ROBO2: variants seen among roughly 807,000 people sequenced by gnomAD.
ROBO2 encodes roundabout guidance receptor 2.
In ROBO2, 53 loss-of-function variants were observed where a neutral mutation model predicts 160.8. The ratio of observed to expected loss-of-function variants is 0.33; its 90% CI spans 0.26 to 0.41. The LOEUF (loss-of-function observed/expected upper bound fraction) is 0.41. Ranked by LOEUF, ROBO2 falls within the 10% of genes least tolerant of loss-of-function variation. The pLI is 1.00. For synonymous variants in ROBO2, 664 were observed against 611.7 expected, an observed-to-expected ratio of 1.09 and a Z score of -1.26; for missense variants, 1,577 against 1,722.4, an observed-to-expected ratio of 0.92 and a Z score of 1.49.
chr3:76,343,054 T>C (rs2074324938), intron 2 of ROBO2, among the ~76,000 whole-genome samples: 1 of 152,096 alleles, frequency 6.6e-6, no homozygotes. Flanking sequence ...CAAGAACACA[T>C]AGGTCTTTCT....
At chr3:77,396,753 A>G (rs1175421582) in intron 2 of ROBO2, among the ~76,000 whole-genome samples, 1 of 152,110 alleles carries the variant, frequency 6.6e-6, no homozygotes, top group Non-Finnish European at 1.5e-5. Flanking sequence ...AGTCAGCAAA[A>G]GTACATTCAG....
chr3:76,816,265 T>C (rs1182507772), intron 2 of ROBO2, among the ~76,000 whole-genome samples: 3 of 151,728 alleles, frequency 2.0e-5, no homozygotes, highest in Non-Finnish European at 2.9e-5. Flanking sequence ...CAGTGACACT[T>C]GAAAGAAGAA....
chr3:77,106,101 G>A (rs114352238), intron 2 of ROBO2, among the ~76,000 whole-genome samples: 8,374 of 152,114 alleles, frequency 0.055, 307 homozygotes, highest in East Asian at 0.098. Context: ...GGAGTGCAGC[G>A]GTGTGATCTC....
At chr3:76,585,241 A>C (rs1334538601) in intron 2 of ROBO2, among the ~76,000 whole-genome samples, 4 of 152,168 alleles carry the variant, frequency 2.6e-5, no homozygotes, top group Non-Finnish European at 5.9e-5. Context: ...TTTTACTATG[A>C]AGCATTTATT....
chr3:77,366,384 A>G (rs996037195), intron 2 of ROBO2, among the ~76,000 whole-genome samples: 2 of 152,038 alleles, frequency 1.3e-5, no homozygotes, highest in African/African-American at 4.8e-5. Context: ...TAGTGCCCTT[A>G]GAAAGGAGGG....
chr3:77,323,631 C>T (rs1307201798), intron 2 of ROBO2, among the ~76,000 whole-genome samples: 6 of 152,028 alleles, frequency 3.9e-5, no homozygotes, highest in Admixed American at 6.6e-5. Flanking sequence ...GTTTGCAATA[C>T]TGATAACAAA....
intron 2 of ROBO2, among the ~76,000 whole-genome samples, chr3:77,461,986 A>C (rs924673273): frequency 6.6e-6 from 1 of 152,190 alleles, no homozygotes; most frequent in Non-Finnish European, 1.5e-5. Context: ...TCGGCCTCTC[A>C]AAGTGCTGGG....
chr3:76,071,816 A>G (rs1378812134), intron 2 of ROBO2, among the ~76,000 whole-genome samples: 2 of 152,048 alleles, frequency 1.3e-5, no homozygotes, highest in Admixed American at 1.3e-4. Flanking sequence ...TATTAATTAA[A>G]AGCTGATTTT....
At chr3:76,401,026 T>A (rs1005830035) in intron 2 of ROBO2, among the ~76,000 whole-genome samples, 1 of 151,542 alleles carries the variant, frequency 6.6e-6, no homozygotes, top group African/African-American at 2.4e-5. Context: ...TGCTTCACAT[T>A]TTTTGAGTTT....
intron 1 of ROBO2, among the ~76,000 whole-genome samples, chr3:77,086,429 A>C (rs1444534481): frequency 1.3e-5 from 2 of 152,124 alleles, no homozygotes; most frequent in Non-Finnish European, 2.9e-5. Flanking sequence ...CGGCATTTGA[A>C]AAAGAAATTT....
At chr3:76,944,612 T>C (rs892478885) in intron 2 of ROBO2, among the ~76,000 whole-genome samples, 3 of 152,146 alleles carry the variant, frequency 2.0e-5, no homozygotes, top group African/African-American at 7.2e-5. Context: ...CTTTCAAAAC[T>C]AGCAAATAGG....
At chr3:76,963,847 AAAG>A (rs1184763126) in intron 2 of ROBO2, among the ~76,000 whole-genome samples, 71 of 148,904 alleles carry the variant, frequency 4.8e-4, no homozygotes, top group African/African-American at 1.7e-3. Context: ...AAAAAAAAAA[AAAG>A]AAAAAAAAGA....
intron 2 of ROBO2, among the ~76,000 whole-genome samples, chr3:76,002,206 A>T (rs188127199): frequency 6.6e-6 from 1 of 152,182 alleles, no homozygotes; most frequent in Non-Finnish European, 1.5e-5. Context: ...CCCTAATCCA[A>T]TATGACTCTG....
At chr3:76,517,985 T>TA (rs530483144) in intron 2 of ROBO2, among the ~76,000 whole-genome samples, 1,761 of 151,690 alleles carry the variant, frequency 0.012, 28 homozygotes, top group African/African-American at 0.039. Context: ...TTTTTTATAT[T>TA]AAAAAAAAAC....
chr3:76,855,085 T>C (rs1425363613), intron 2 of ROBO2, among the ~76,000 whole-genome samples: 2 of 152,192 alleles, frequency 1.3e-5, no homozygotes, highest in Admixed American at 6.5e-5. Context: ...ATGAAAACCA[T>C]ATTCCACAAA....
At chr3:76,508,004 A>G (rs961248839) in intron 2 of ROBO2, among the ~76,000 whole-genome samples, 1 of 152,172 alleles carries the variant, frequency 6.6e-6, no homozygotes, top group African/African-American at 2.4e-5. Context: ...TTATATATGT[A>G]TATGTATGTC....
intron 24 of ROBO2, among the ~76,000 whole-genome samples, chr3:77,641,768 AAG>A (rs2095354462): frequency 6.6e-6 from 1 of 152,182 alleles, no homozygotes; most frequent in Non-Finnish European, 1.5e-5. Flanking sequence ...ACATACTTAA[AAG>A]AGAAAGAAAG....
intron 2 of ROBO2, among the ~76,000 whole-genome samples, chr3:76,733,681 T>C (rs904243303): frequency 6.6e-6 from 1 of 152,232 alleles, no homozygotes; most frequent in African/African-American, 2.4e-5. Context: ...AAATCTGTTC[T>C]CAGGAATTAT....
intron 2 of ROBO2, among the ~76,000 whole-genome samples, chr3:76,980,752 T>G (rs1048244468): frequency 1.3e-5 from 2 of 152,044 alleles, no homozygotes; most frequent in Non-Finnish European, 2.9e-5. Flanking sequence ...CAAATCAATG[T>G]TTTTTATTAT....
Sources: gnomAD v4.1 joint callset for allele counts (sites outside exome capture counted in the v4.1 genomes callset) on GRCh38, gnomAD v4.1.1 for gene constraint, MANE v1.5 for transcripts, NCBI Gene and HGNC (gene_info 2026-07-23, HGNC 2026-07-21) for gene names.